TFEC: variants seen among roughly 807,000 people sequenced by gnomAD.
TFEC encodes class E basic helix-loop-helix protein 34.
A neutral mutation model predicts 41.6 loss-of-function variants in TFEC; 31 were observed. The ratio of observed to expected loss-of-function variants is 0.74; its 90% CI spans 0.56 to 1.01. The LOEUF (loss-of-function observed/expected upper bound fraction) is 1.01, where lower values mean the gene tolerates loss of function less well. Ranked by LOEUF, TFEC falls within the 50% of genes least tolerant of loss-of-function variation. The pLI is 0.00. For synonymous variants in TFEC, 143 were observed against 140.6 expected, an observed-to-expected ratio of 1.02 and a Z score of -0.12; for missense variants, 402 against 404.1, an observed-to-expected ratio of 0.99 and a Z score of 0.04.
intron 3 of TFEC, among the ~76,000 whole-genome samples, chr7:116,036,466 A>C (rs142655684): frequency 2.6e-5 from 4 of 152,212 alleles, no homozygotes; most frequent in Non-Finnish European, 5.9e-5. Flanking sequence ...CACTGAAATG[A>C]TATAGGGGAT....
chr7:116,153,677 C>A (rs1798808757), intron 1 of TFEC, among the ~76,000 whole-genome samples: 1 of 151,988 alleles, frequency 6.6e-6, no homozygotes, highest in Non-Finnish European at 1.5e-5. Context: ...AAAAAAAGCT[C>A]TTCCTTCCTT....
chr7:115,948,829 G>C (rs1242616828), intron 6 of TFEC, among the ~76,000 whole-genome samples: 4 of 148,718 alleles, frequency 2.7e-5, no homozygotes, highest in African/African-American at 1.0e-4. Flanking sequence ...ATTCAACATA[G>C]TGTTGGAAGT....
At chr7:116,107,178 T>C (rs1797737538) in intron 3 of TFEC, among the ~76,000 whole-genome samples, 1 of 152,174 alleles carries the variant, frequency 6.6e-6, no homozygotes, top group Non-Finnish European at 1.5e-5. Context: ...TGACCTGTGT[T>C]ATAGCCACAA....
chr7:116,019,069 A>C (rs1795299892), intron 1 of TFEC, among the ~76,000 whole-genome samples: 1 of 152,162 alleles, frequency 6.6e-6, no homozygotes, highest in South Asian at 2.1e-4. Flanking sequence ...GTGAGGAAAA[A>C]AAAATAGCCA....
At chr7:116,110,869 T>C in exon 3 of TFEC, 1 of 1,542,480 alleles carries the variant, frequency 6.5e-7, no homozygotes, top group Non-Finnish European at 8.7e-7. Flanking sequence ...AATTGTTCTT[T>C]CAGCTGAAAT....
At chr7:116,006,900 T>C (rs964339992) in intron 1 of TFEC, among the ~76,000 whole-genome samples, 10 of 152,246 alleles carry the variant, frequency 6.6e-5, no homozygotes, top group East Asian at 1.9e-4. Context: ...GATGGTATCA[T>C]AAGGGAGAGT....
At chr7:115,944,843 T>TA (rs1410898004) in intron 6 of TFEC, among the ~76,000 whole-genome samples, 1 of 151,394 alleles carries the variant, frequency 6.6e-6, no homozygotes, top group Non-Finnish European at 1.5e-5. Context: ...TCTTAGTAAA[T>TA]AAAACTGCAA....
chr7:115,956,885 T>C, intron 3 of TFEC, 92 bp from the exon 4 acceptor site: 1 of 705,870 alleles, frequency 1.4e-6, no homozygotes. Context: ...ACTTTAAATG[T>C]GGCATTTTGT....
intron 3 of TFEC, among the ~76,000 whole-genome samples, chr7:116,079,225 A>G (rs1420712446): frequency 6.6e-6 from 1 of 152,104 alleles, no homozygotes; most frequent in African/African-American, 2.4e-5. Context: ...CCAACACACT[A>G]CTGAATGGGA....
At chr7:115,957,901 T>C (rs919706030) in intron 3 of TFEC, among the ~76,000 whole-genome samples, 1 of 151,758 alleles carries the variant, frequency 6.6e-6, no homozygotes, top group Non-Finnish European at 1.5e-5. Flanking sequence ...AAAATTAGTT[T>C]CTGAGATAAT....
chr7:116,147,320 A>G (rs1798661931), intron 1 of TFEC, among the ~76,000 whole-genome samples: 2 of 152,266 alleles, frequency 1.3e-5, no homozygotes. Context: ...AGAATATCAA[A>G]GACAAAGAGT....
intron 3 of TFEC, among the ~76,000 whole-genome samples, chr7:116,109,448 A>G (rs1355622429): frequency 6.6e-6 from 1 of 152,254 alleles, no homozygotes. Context: ...GAAGACATCT[A>G]TGCAGTCAAC....
At chr7:115,943,013 A>G (rs1165606895) in intron 6 of TFEC, among the ~76,000 whole-genome samples, 1 of 152,032 alleles carries the variant, frequency 6.6e-6, no homozygotes, top group African/African-American at 2.4e-5. Flanking sequence ...TTTTCTACAT[A>G]TATTTTTGGT....
At chr7:116,048,199 T>A (rs1796217736) in intron 3 of TFEC, among the ~76,000 whole-genome samples, 1 of 152,158 alleles carries the variant, frequency 6.6e-6, no homozygotes, top group Admixed American at 6.5e-5. Flanking sequence ...AATGAGGATG[T>A]TCGAACCCAC....
At chr7:115,994,667 A>C (rs1156334585) in intron 1 of TFEC, among the ~76,000 whole-genome samples, 1 of 152,220 alleles carries the variant, frequency 6.6e-6, no homozygotes, top group African/African-American at 2.4e-5. Flanking sequence ...CACCAGTTAG[A>C]ATGGCAATCA....
chr7:116,001,371 T>C (rs1287713737), intron 1 of TFEC, among the ~76,000 whole-genome samples: 1 of 151,696 alleles, frequency 6.6e-6, no homozygotes. Context: ...AGTGTGCGCC[T>C]GTAGTGCCAG....
chr7:115,993,657 G>A (rs1484415327), intron 1 of TFEC, among the ~76,000 whole-genome samples: 1 of 152,112 alleles, frequency 6.6e-6, no homozygotes, highest in Non-Finnish European at 1.5e-5. Context: ...CAAGTGTTGC[G>A]AAGGACCTCT....
intron 3 of TFEC, among the ~76,000 whole-genome samples, chr7:116,069,553 G>A (rs979361665): frequency 1.3e-5 from 2 of 151,696 alleles, no homozygotes; most frequent in Non-Finnish European, 3.0e-5. Flanking sequence ...TAATAGTGAT[G>A]TGTCATGATT....
rs896068363 is a variant in TFEC, at chr7:115,940,343, G to GAA, written c.*206_*207dup. The GAA allele has an allele frequency of 1.9e-5, 10 of 516,106 alleles. No homozygotes were observed. Among genetic ancestry groups the GAA allele is most frequent in the Admixed American group, 3.7e-5 (1 of 27,064 alleles). 32.0% of individuals were successfully genotyped at this position (516,106 alleles called of 1,614,324 possible). A position where few individuals can be genotyped will look rare whatever the true frequency, so the allele number is the denominator to read the frequency against. On this transcript the variant is annotated 3_prime_UTR_variant, in exon 8 of 8. Coordinates refer to ENST00000265440, the MANE Select transcript of TFEC (RefSeq NM_012252.4). The stretch of plus-strand genomic sequence containing the variant: ...GGATTTGGACTCCGTAGTCAAAGAA[G>GAA]AAAACACCTTTTTTTCGCCCTCAAT...
Sources: allele counts gnomAD v4.1 joint callset (sites outside exome capture counted in the v4.1 genomes callset), GRCh38; gene constraint gnomAD v4.1.1; transcripts MANE v1.5; gene names NCBI Gene and HGNC (gene_info 2026-07-23, HGNC 2026-07-21).